Variants in GARIN1B observed in about 807,000 individuals in gnomAD.
GARIN1B encodes golgi associated RAB2 interactor 1B.
the GARIN1B span, among the ~76,000 whole-genome samples, chr7:128,719,846 C>T: frequency 6.6e-5 from 10 of 150,508 alleles, no homozygotes; most frequent in African/African-American, 1.7e-4. Flanking sequence ...ATTACAGGCA[C>T]GCACCACCAT....
the GARIN1B span, chr7:128,716,880 C>CCT: frequency 1.9e-6 from 3 of 1,614,012 alleles, no homozygotes; most frequent in South Asian, 1.1e-5. Flanking sequence ...GGGGTGACCT[C>CCT]CTCGGTACCC....
At chr7:128,717,003 C>G in the GARIN1B span, 2 of 1,603,356 alleles carry the variant, frequency 1.2e-6, no homozygotes, top group Non-Finnish European at 1.7e-6. Context: ...AAGAGGTGAG[C>G]AATGCAGATG....
the GARIN1B span, among the ~76,000 whole-genome samples, chr7:128,710,092 A>G: frequency 4.2e-3 from 639 of 151,928 alleles, 7 homozygotes; most frequent in African/African-American, 0.015. Flanking sequence ...TAATTTTTGT[A>G]TTGTTTGTAG....
At chr7:128,722,920 A>T in the GARIN1B span, among the ~76,000 whole-genome samples, 1 of 152,244 alleles carries the variant, frequency 6.6e-6, no homozygotes, top group Non-Finnish European at 1.5e-5. Context: ...CTATTCATAC[A>T]TTATATTAAG....
chr7:128,726,754 G>T, the GARIN1B span: 1 of 1,548,244 alleles, frequency 6.5e-7, no homozygotes, highest in South Asian at 1.1e-5. Context: ...TTTGGAACAA[G>T]ATCTGAAATA....
At chr7:128,730,959 C>T in the GARIN1B span, 17 of 784,948 alleles carry the variant, frequency 2.2e-5, no homozygotes, top group Admixed American at 7.6e-5. Context: ...CCACTGGGCC[C>T]GGCCACCACC....
At chr7:128,721,311 C>T in the GARIN1B span, among the ~76,000 whole-genome samples, 1 of 152,146 alleles carries the variant, frequency 6.6e-6, no homozygotes, top group Non-Finnish European at 1.5e-5. Flanking sequence ...TCTGCAAGTT[C>T]TGCACTTATT....
At chr7:128,714,107 G>A in the GARIN1B span, 2 of 1,535,970 alleles carry the variant, frequency 1.3e-6, no homozygotes, top group Non-Finnish European at 1.7e-6. Flanking sequence ...TGAATGACCA[G>A]AGGGAAGGAC....
At chr7:128,716,135 T>G in the GARIN1B span, among the ~76,000 whole-genome samples, 1 of 152,188 alleles carries the variant, frequency 6.6e-6, no homozygotes, top group South Asian at 2.1e-4. Context: ...AAGTAACCTG[T>G]GCAGCCTGAA....
At chr7:128,721,727 T>C in the GARIN1B span, among the ~76,000 whole-genome samples, 2 of 152,236 alleles carry the variant, frequency 1.3e-5, no homozygotes, top group Non-Finnish European at 2.9e-5. Flanking sequence ...TTATGAATAT[T>C]TGTAGATGCC....
chr7:128,731,409 G>A, the GARIN1B span: 1 of 493,944 alleles, frequency 2.0e-6, no homozygotes, highest in Non-Finnish European at 3.6e-6. Context: ...TAGGACCAGA[G>A]AAGTGGAAGG....
the GARIN1B span, chr7:128,726,879 A>T: frequency 6.2e-7 from 1 of 1,613,304 alleles, no homozygotes; most frequent in Non-Finnish European, 8.5e-7. Context: ...CAGGTAAGGG[A>T]GGGCACAGGG....
At chr7:128,715,315 CATG>C in the GARIN1B span, 2 of 1,490,610 alleles carry the variant, frequency 1.3e-6, no homozygotes, top group Admixed American at 4.9e-5. Context: ...CCTGGTTTTT[CATG>C]ATGTCATCCA....
At chr7:128,726,912 T>C in the GARIN1B span, 3 of 1,566,734 alleles carry the variant, frequency 1.9e-6, no homozygotes, top group Admixed American at 3.4e-5. Context: ...AAGAGCTTTC[T>C]ACTCTGGATA....
chr7:128,729,823 C>T, the GARIN1B span: 1 of 1,445,856 alleles, frequency 6.9e-7, no homozygotes, highest in Non-Finnish European at 9.5e-7. Flanking sequence ...ATCGTAAGCA[C>T]CCCCCCAAAT....
At chr7:128,731,547 C>A in the GARIN1B span, 1 of 213,824 alleles carries the variant, frequency 4.7e-6, no homozygotes. Context: ...AAGGGACACA[C>A]CCCTGAGAGA....
the GARIN1B span, among the ~76,000 whole-genome samples, chr7:128,713,519 CACTGTAGCCTTG>C: frequency 6.6e-6 from 1 of 152,164 alleles, no homozygotes; most frequent in Non-Finnish European, 1.5e-5. Flanking sequence ...GATCACAGCT[CACTGTAGCCTTG>C]AACTCCTGTC....
chr7:128,722,620 A>G, the GARIN1B span, among the ~76,000 whole-genome samples: 3 of 152,134 alleles, frequency 2.0e-5, no homozygotes, highest in Non-Finnish European at 2.9e-5. Flanking sequence ...CCTGGCCAAC[A>G]TGGTGAAACC....
chr7:128,726,636 T>G, the GARIN1B span, among the ~76,000 whole-genome samples: 1 of 139,806 alleles, frequency 7.2e-6, no homozygotes, highest in Non-Finnish European at 1.5e-5. Context: ...ACCTCCCCCT[T>G]CCCGATTTTT....
Sources: gnomAD v4.1 joint callset for allele counts (sites outside exome capture counted in the v4.1 genomes callset) on GRCh38, gnomAD v4.1.1 for gene constraint, MANE v1.5 for transcripts, NCBI Gene and HGNC (gene_info 2026-07-23, HGNC 2026-07-21) for gene names.